Variants in MSANTD3 observed in about 807,000 individuals in gnomAD.
The protein encoded by MSANTD3 is myb/SANT-like DNA-binding domain-containing protein 3.
MSANTD3 carries 11 observed loss-of-function variants against 27.7 expected under a neutral mutation model. The ratio of observed to expected loss-of-function variants is 0.40; its 90% CI spans 0.25 to 0.66. The LOEUF (loss-of-function observed/expected upper bound fraction) is 0.66. Among genes scored for constraint, MSANTD3 ranks in the 30% least tolerant of loss-of-function variants. The probability of loss-of-function intolerance (pLI) is 0.41; values close to 1 mark genes in which losing one functional copy is unlikely to be tolerated. For missense variants in MSANTD3, 250 were observed against 336.5 expected, an observed-to-expected ratio of 0.74 and a Z score of 2.01; for synonymous variants, 131 against 127.2, an observed-to-expected ratio of 1.03 and a Z score of -0.20.
chr9:100,431,060 C>T lies in MSANTD3; in HGVS notation c.-34+3667C>T, dbSNP rs548997992. 7.5e-4 allele frequency among the ~76,000 whole-genome samples: 113 copies of T among 151,028 alleles called. 1 individual carries two copies. Among genetic ancestry groups the T allele is most frequent in the South Asian group, 8.4e-4 (4 of 4,774 alleles). On this transcript the variant is annotated intron_variant, in intron 1 of 2. Coordinates refer to ENST00000395067, the MANE Select transcript of MSANTD3 (RefSeq NM_080655.3). ...TCTTGTTGCCCAGGCTGGAGTGCAA[C>T]GGCGCAATCTCGGCTCACCGCAACT...
At chr9:100,441,170 G>A (rs1030440709) in intron 1 of MSANTD3, among the ~76,000 whole-genome samples, 1 of 151,484 alleles carries the variant, frequency 6.6e-6, no homozygotes, top group Non-Finnish European at 1.5e-5. Context: ...TCCTGACCTC[G>A]TGGTCCGCCT....
At chr9:100,440,109 T>TA (rs1372032399) in intron 1 of MSANTD3, among the ~76,000 whole-genome samples, 1 of 152,176 alleles carries the variant, frequency 6.6e-6, no homozygotes, top group Non-Finnish European at 1.5e-5. Flanking sequence ...ATAGGTTTCA[T>TA]ACACTTCACT....
intron 1 of MSANTD3, among the ~76,000 whole-genome samples, chr9:100,435,414 T>C (rs967594870): frequency 1.6e-4 from 24 of 152,362 alleles, no homozygotes; most frequent in African/African-American, 5.5e-4. Context: ...ATGTGAAATC[T>C]TGACAAGTTT....
intron 2 of MSANTD3, among the ~76,000 whole-genome samples, chr9:100,445,728 A>G (rs1380134589): frequency 6.6e-6 from 1 of 152,162 alleles, no homozygotes; most frequent in African/African-American, 2.4e-5. Context: ...ATGGACTCTA[A>G]TAGTATTCCA....
chr9:100,442,791 G>A (rs1386549662), intron 2 of MSANTD3, among the ~76,000 whole-genome samples: 8 of 146,102 alleles, frequency 5.5e-5, no homozygotes, highest in Non-Finnish European at 1.0e-4. Context: ...CCTGGGTGAC[G>A]GAGTGAGACC....
intron 1 of MSANTD3, among the ~76,000 whole-genome samples, chr9:100,436,818 T>C (rs1366305442): frequency 2.6e-5 from 4 of 152,158 alleles, no homozygotes; most frequent in Non-Finnish European, 5.9e-5. Context: ...ACATACAGTC[T>C]TTTTGAGACA....
At chr9:100,438,427 AGTGTGT>A (rs139680729) in intron 1 of MSANTD3, among the ~76,000 whole-genome samples, 1 of 151,166 alleles carries the variant, frequency 6.6e-6, no homozygotes, top group Non-Finnish European at 1.5e-5. Context: ...TTATTTAGAA[AGTGTGT>A]GTGTGTGTGT....
chr9:100,447,779 C>G (rs1342170113), intron 2 of MSANTD3, among the ~76,000 whole-genome samples: 3 of 152,220 alleles, frequency 2.0e-5, no homozygotes, highest in African/African-American at 7.2e-5. Context: ...CTATAAAGCA[C>G]TAGCCTAGGA....
intron 1 of MSANTD3, among the ~76,000 whole-genome samples, chr9:100,428,370 T>C (rs1026589864): frequency 3.3e-5 from 5 of 151,956 alleles, no homozygotes; most frequent in East Asian, 1.9e-4. Flanking sequence ...TCCAAGGAAA[T>C]TGCTGAATAT....
intron 1 of MSANTD3, among the ~76,000 whole-genome samples, chr9:100,437,117 C>G (rs1836495305): frequency 6.6e-6 from 1 of 152,080 alleles, no homozygotes; most frequent in South Asian, 2.1e-4. Context: ...AACATACAGT[C>G]TTACTGGATC....
intron 1 of MSANTD3, among the ~76,000 whole-genome samples, chr9:100,432,815 TA>T (rs1348079826): frequency 6.6e-6 from 1 of 152,228 alleles, no homozygotes; most frequent in African/African-American, 2.4e-5. Flanking sequence ...GTCTCATAAA[TA>T]ATCAGAAAAT....
chr9:100,435,939 A>G (rs1836469519), intron 1 of MSANTD3, among the ~76,000 whole-genome samples: 2 of 152,206 alleles, frequency 1.3e-5, no homozygotes, highest in Non-Finnish European at 2.9e-5. Context: ...TGGATAGTAA[A>G]TGTATGCATT....
chr9:100,448,409 G>A (rs1168343041), intron 2 of MSANTD3: 1 of 985,150 alleles, frequency 1.0e-6, no homozygotes, highest in Non-Finnish European at 1.2e-6. Flanking sequence ...AAAGGAAACA[G>A]GTGAGGTAAT....
At chr9:100,444,936 T>C in intron 2 of MSANTD3, 1 of 422,166 alleles carries the variant, frequency 2.4e-6, no homozygotes, top group Non-Finnish European at 4.2e-6. Context: ...ATTGGATGTT[T>C]GTACATAGAT....
intron 1 of MSANTD3, among the ~76,000 whole-genome samples, chr9:100,430,479 C>G (rs1836348702): frequency 6.6e-6 from 1 of 152,056 alleles, no homozygotes; most frequent in African/African-American, 2.4e-5. Flanking sequence ...ATAATCAGGA[C>G]CAGATCCGGA....
At chr9:100,448,379 A>G (rs1836808069) in intron 2 of MSANTD3, 1 of 985,298 alleles carries the variant, frequency 1.0e-6, no homozygotes, top group Non-Finnish European at 1.2e-6. Context: ...CAAAGAAGAC[A>G]TTTTCAGATC....
chr9:100,434,621 T>C (rs34555593), intron 1 of MSANTD3, among the ~76,000 whole-genome samples: 4,203 of 152,294 alleles, frequency 0.028, 73 homozygotes, highest in Middle Eastern at 0.037. Context: ...TTATCAATTA[T>C]TTATCTGATG....
At chr9:100,433,935 G>C (rs145133386) in intron 1 of MSANTD3, among the ~76,000 whole-genome samples, 1 of 152,102 alleles carries the variant, frequency 6.6e-6, no homozygotes, top group South Asian at 2.1e-4. Context: ...AGGAGTTAAG[G>C]TTCCTGTTCT....
intron 1 of MSANTD3, among the ~76,000 whole-genome samples, chr9:100,428,022 T>G (rs1351921025): frequency 1.3e-5 from 2 of 152,124 alleles, no homozygotes; most frequent in African/African-American, 4.8e-5. Context: ...ACAGCTAAAT[T>G]TTGAGCACTC....
Sources: allele counts gnomAD v4.1 joint callset (sites outside exome capture counted in the v4.1 genomes callset), GRCh38; gene constraint gnomAD v4.1.1; transcripts MANE v1.5; gene names NCBI Gene and HGNC (gene_info 2026-07-23, HGNC 2026-07-21).